Variants in ROBO2 observed in about 807,000 individuals in gnomAD.
ROBO2 encodes the protein roundabout guidance receptor 2.
Under a neutral mutation model 160.8 loss-of-function variants are expected in ROBO2, and 53 were observed. The observed-to-expected ratio is 0.33, with a 90% confidence interval of 0.26 to 0.41. ROBO2 has a LOEUF of 0.41. Among genes scored for constraint, ROBO2 ranks in the 10% least tolerant of loss-of-function variants. The pLI, the probability that ROBO2 is intolerant of heterozygous loss-of-function variation, is 1.00. For missense variants in ROBO2, 1,577 were observed against 1,722.4 expected (o/e 0.92, Z 1.49); for synonymous variants, 664 against 611.7 (o/e 1.09, Z -1.26).
chr3:76,719,377 C>T (rs1284277529), intron 2 of ROBO2, among the ~76,000 whole-genome samples: 2 of 152,084 alleles, frequency 1.3e-5, no homozygotes, highest in Non-Finnish European at 1.5e-5. Context: ...CACTCTCATC[C>T]AGGCTGGTGT....
chr3:76,037,393 G>T (rs1277344686), intron 2 of ROBO2, among the ~76,000 whole-genome samples: 1 of 151,592 alleles, frequency 6.6e-6, no homozygotes, highest in Non-Finnish European at 1.5e-5. Flanking sequence ...AAGCAGCTGG[G>T]ATTACAGGTG....
intron 2 of ROBO2, among the ~76,000 whole-genome samples, chr3:76,078,835 A>G (rs74759826): frequency 0.025 from 3,823 of 152,270 alleles, 143 homozygotes; most frequent in African/African-American, 0.08. Context: ...TGGTTTTACT[A>G]ATTTACATTT....
intron 2 of ROBO2, among the ~76,000 whole-genome samples, chr3:77,353,105 A>ATCAGTGTTC: frequency 8.6e-6 from 1 of 116,950 alleles, no homozygotes; most frequent in East Asian, 2.0e-4. Flanking sequence ...TCATAGTTTA[A>ATCAGTGTTC]AAATTTATTT....
At chr3:76,658,423 G>T (rs1298676868) in intron 2 of ROBO2, among the ~76,000 whole-genome samples, 3 of 151,966 alleles carry the variant, frequency 2.0e-5, no homozygotes, top group Non-Finnish European at 4.4e-5. Flanking sequence ...TGCCATGGTG[G>T]TTTGCTGCAC....
chr3:76,516,505 A>G (rs79561195), intron 2 of ROBO2, among the ~76,000 whole-genome samples: 12,902 of 152,064 alleles, frequency 0.085, 802 homozygotes, highest in East Asian at 0.22. Context: ...AAGAGACACA[A>G]TGTATTATAA....
intron 2 of ROBO2, among the ~76,000 whole-genome samples, chr3:76,428,891 C>T (rs1272852967): frequency 6.6e-6 from 1 of 152,150 alleles, no homozygotes; most frequent in Non-Finnish European, 1.5e-5. Flanking sequence ...GACTGACCAT[C>T]TGGCACCAGC....
rs200834587 is a variant in ROBO2 at position 77,098,203 on chromosome 3, T to A, written c.251T>A (p.Leu84His). The A allele has an allele frequency of 4.8e-5, 78 of 1,614,054 alleles. No homozygotes were observed. The highest frequency in any genetic ancestry group is 2.8e-4 in the Admixed American group (17 of 60,006). ...GACGATCCCCGGTCCCACAGGATGC[T>A]TCTGCCCAGCGGATCCTTATTCTTC... Residue 84 changes from leucine to histidine, a missense_variant, in exon 2 of 26, where the codon CTT (leucine) becomes CAT (histidine). By Grantham distance (99) the Leu-to-His change is moderately conservative (BLOSUM62 -3). Coordinates refer to ENST00000461745, the Ensembl canonical transcript of ROBO2.
At chr3:76,012,795 T>C (rs2066234637) in intron 2 of ROBO2, among the ~76,000 whole-genome samples, 2 of 148,954 alleles carry the variant, frequency 1.3e-5, no homozygotes, top group East Asian at 2.0e-4. Context: ...AATTGGTGAC[T>C]GGGCACGGTG....
intron 2 of ROBO2, among the ~76,000 whole-genome samples, chr3:76,478,121 C>T (rs974501761): frequency 1.3e-5 from 2 of 150,042 alleles, no homozygotes; most frequent in African/African-American, 2.5e-5. Flanking sequence ...TGGTGTGCTG[C>T]ACCCATTAAC....
At chr3:77,328,018 G>T (rs1295646831) in intron 2 of ROBO2, among the ~76,000 whole-genome samples, 1 of 138,570 alleles carries the variant, frequency 7.2e-6, no homozygotes, top group Non-Finnish European at 1.5e-5. Context: ...AGTGGAGATC[G>T]CACCACTGCC....
At chr3:76,594,521 C>T (rs1208094533) in intron 2 of ROBO2, among the ~76,000 whole-genome samples, 1 of 151,958 alleles carries the variant, frequency 6.6e-6, no homozygotes, top group Non-Finnish European at 1.5e-5. Flanking sequence ...AATATAATTC[C>T]TAAAGAGCCT....
At chr3:77,015,500 A>T (rs2062182647) in intron 2 of ROBO2, among the ~76,000 whole-genome samples, 1 of 152,218 alleles carries the variant, frequency 6.6e-6, no homozygotes, top group African/African-American at 2.4e-5. Flanking sequence ...ATAACCATCC[A>T]CGATTATAGC....
At chr3:75,979,222 C>T (rs1036822234) in intron 2 of ROBO2, among the ~76,000 whole-genome samples, 1 of 151,414 alleles carries the variant, frequency 6.6e-6, no homozygotes, top group African/African-American at 2.4e-5. Context: ...CTCTATCATA[C>T]TAGGATGGCA....
chr3:77,271,858 T>A (rs146762858), intron 2 of ROBO2, among the ~76,000 whole-genome samples: 47 of 152,308 alleles, frequency 3.1e-4, no homozygotes, highest in African/African-American at 1.1e-3. Context: ...CCCCTTTTCA[T>A]CTTCTGAACA....
chr3:76,292,242 T>C (rs1221209250), intron 2 of ROBO2, among the ~76,000 whole-genome samples: 3 of 152,226 alleles, frequency 2.0e-5, no homozygotes, highest in Admixed American at 1.3e-4. Context: ...CAAAGTCTGC[T>C]GTGCTAAATT....
intron 2 of ROBO2, among the ~76,000 whole-genome samples, chr3:76,956,248 G>C (rs1045240993): frequency 2.0e-5 from 3 of 152,070 alleles, no homozygotes; most frequent in Admixed American, 1.3e-4. Context: ...ATTGCCTTTA[G>C]ATTAAAATAT....
chr3:77,012,452 A>G (rs2061978761), intron 2 of ROBO2, among the ~76,000 whole-genome samples: 1 of 152,244 alleles, frequency 6.6e-6, no homozygotes. Flanking sequence ...GACACCATCA[A>G]ACCAATTCGA....
At chr3:77,360,884 A>G (rs2069876245) in intron 2 of ROBO2, among the ~76,000 whole-genome samples, 1 of 98,310 alleles carries the variant, frequency 1.0e-5, no homozygotes, top group Admixed American at 1.2e-4. Flanking sequence ...GGGTGCTAAA[A>G]TATTTTTGTT....
intron 2 of ROBO2, among the ~76,000 whole-genome samples, chr3:76,678,098 A>G (rs1056236961): frequency 2.0e-5 from 3 of 149,790 alleles, no homozygotes; most frequent in African/African-American, 7.4e-5. Flanking sequence ...AGCCTCCTGA[A>G]TAGCTGGGAT....
Sources: allele counts gnomAD v4.1 joint callset (sites outside exome capture counted in the v4.1 genomes callset), GRCh38; gene constraint gnomAD v4.1.1; transcripts MANE v1.5; gene names NCBI Gene and HGNC (gene_info 2026-07-23, HGNC 2026-07-21).